SORCS3: variants seen among roughly 807,000 people sequenced by gnomAD.
SORCS3 encodes the protein sortilin related VPS10 domain containing receptor 3, also known as VPS10 domain-containing receptor SorCS3.
A neutral mutation model predicts 146.3 loss-of-function variants in SORCS3; 57 were observed. That is an observed-to-expected ratio of 0.39 (90% CI 0.31 to 0.49). The LOEUF is 0.49. SORCS3 is among the 20% of genes least tolerant of loss of function. The pLI, the probability that SORCS3 is intolerant of heterozygous loss-of-function variation, is 0.92. For synonymous variants in SORCS3, 653 were observed against 618.5 expected (o/e 1.06, Z -0.83); for missense variants, 1,341 against 1,575.5 (o/e 0.85, Z 2.52).
chr10:104,802,936 C>G (rs1484000643), intron 1 of SORCS3, among the ~76,000 whole-genome samples: 1 of 152,156 alleles, frequency 6.6e-6, no homozygotes, highest in African/African-American at 2.4e-5. Context: ...TTCTTTCTCT[C>G]CAATGTCCAG....
chr10:104,814,689 T>G (rs1371198225), intron 1 of SORCS3, among the ~76,000 whole-genome samples: 1 of 152,184 alleles, frequency 6.6e-6, no homozygotes, highest in Admixed American at 6.5e-5. Context: ...TGACTAAATG[T>G]GAAATACTCT....
At chr10:104,906,966 T>C (rs937467747) in intron 2 of SORCS3, among the ~76,000 whole-genome samples, 1 of 152,222 alleles carries the variant, frequency 6.6e-6, no homozygotes, top group African/African-American at 2.4e-5. Context: ...CACTAGATTT[T>C]ATATGTATTT....
At chr10:104,890,305 G>A (rs766172940) in intron 2 of SORCS3, among the ~76,000 whole-genome samples, 3 of 151,740 alleles carry the variant, frequency 2.0e-5, no homozygotes, top group Non-Finnish European at 2.9e-5. Context: ...TACAACTGAT[G>A]TTGTCCTGCA....
intron 3 of SORCS3, among the ~76,000 whole-genome samples, chr10:104,946,565 A>C (rs1340057): frequency 0.49 from 74,924 of 151,960 alleles, 22,202 homozygotes; most frequent in African/African-American, 0.84. Flanking sequence ...GTAAACAATA[A>C]AACCCATCTC....
intron 2 of SORCS3, among the ~76,000 whole-genome samples, chr10:104,894,105 G>A (rs1048694215): frequency 6.6e-6 from 1 of 151,900 alleles, no homozygotes; most frequent in Non-Finnish European, 1.5e-5. Flanking sequence ...GTTATTTGTC[G>A]TGAACTCTTG....
chr10:105,154,325 T>C (rs2056190285), intron 9 of SORCS3, among the ~76,000 whole-genome samples: 1 of 152,104 alleles, frequency 6.6e-6, no homozygotes. Flanking sequence ...AGGCAGATCA[T>C]GGTAATTGCT....
chr10:105,026,987 A>G (rs901369434), intron 4 of SORCS3, among the ~76,000 whole-genome samples: 7 of 152,160 alleles, frequency 4.6e-5, no homozygotes, highest in Non-Finnish European at 1.0e-4. Context: ...GAAAAGTTGA[A>G]ATTAAGCAAA....
intron 3 of SORCS3, among the ~76,000 whole-genome samples, chr10:104,957,681 G>T (rs1415766630): frequency 6.6e-6 from 1 of 151,996 alleles, no homozygotes; most frequent in Admixed American, 6.6e-5. Flanking sequence ...CACCCTCTCT[G>T]GCTGAGGCAG....
At chr10:104,670,496 AT>A (rs2015838139) in intron 1 of SORCS3, among the ~76,000 whole-genome samples, 1 of 152,174 alleles carries the variant, frequency 6.6e-6, no homozygotes, top group South Asian at 2.1e-4. Context: ...TCATTTGACC[AT>A]TTATATGAAG....
intron 4 of SORCS3, among the ~76,000 whole-genome samples, chr10:104,979,207 T>C (rs2054919107): frequency 6.6e-6 from 1 of 152,222 alleles, no homozygotes; most frequent in South Asian, 2.1e-4. Context: ...TTACAAGCTC[T>C]ATCTTGTAAT....
At chr10:104,895,785 C>A (rs2018792334) in intron 2 of SORCS3, among the ~76,000 whole-genome samples, 1 of 152,178 alleles carries the variant, frequency 6.6e-6, no homozygotes, top group Admixed American at 6.5e-5. Context: ...GCTCTCCCTG[C>A]CTGCTAGCTT....
At chr10:104,658,213 C>T (rs1194964853) in intron 1 of SORCS3, among the ~76,000 whole-genome samples, 2 of 152,074 alleles carry the variant, frequency 1.3e-5, no homozygotes, top group Non-Finnish European at 2.9e-5. Context: ...TCTTCCAAAC[C>T]GGTTTGCAGT....
chr10:105,242,457 TA>T (rs2056832586), intron 20 of SORCS3, among the ~76,000 whole-genome samples: 1 of 89,338 alleles, frequency 1.1e-5, no homozygotes, highest in Admixed American at 1.7e-4. Flanking sequence ...TATTTATATA[TA>T]TTTATATATT....
intron 2 of SORCS3, among the ~76,000 whole-genome samples, chr10:104,847,027 G>A (rs939715495): frequency 4.6e-5 from 7 of 152,120 alleles, no homozygotes; most frequent in Admixed American, 1.3e-4. Context: ...AACAAATGTA[G>A]GCCATTGTCA....
At chr10:105,188,502 G>T (rs534880610) in intron 14 of SORCS3, among the ~76,000 whole-genome samples, 1 of 152,044 alleles carries the variant, frequency 6.6e-6, no homozygotes, top group East Asian at 1.9e-4. Flanking sequence ...ATGCCCTGAT[G>T]AAATTAATAC....
chr10:104,731,373 C>G (rs2016705127), intron 1 of SORCS3, among the ~76,000 whole-genome samples: 1 of 152,200 alleles, frequency 6.6e-6, no homozygotes. Context: ...TCTTCTTAAT[C>G]TGCATCTTCA....
chr10:104,746,785 T>C (rs897827177), intron 1 of SORCS3, among the ~76,000 whole-genome samples: 9 of 152,236 alleles, frequency 5.9e-5, no homozygotes, highest in Admixed American at 3.9e-4. Context: ...GCCTGGCTTA[T>C]TTCACTTAGC....
Position 105,178,050 on chromosome 10 carries a change from C to T in SORCS3, c.1902-16C>T, listed in dbSNP as rs552689346. 3.1e-6 allele frequency: 5 copies of T among 1,590,138 alleles called. No homozygotes were observed. Among genetic ancestry groups the T allele is most frequent in the East Asian group, 4.5e-5 (2 of 44,594 alleles). On this transcript the variant is annotated splice_polypyrimidine_tract_variant and intron_variant, in intron 13 of 26. Transcript: ENST00000369701. ...TATTTTCAGCTGTCTTTTTTGTGTA[C>T]TTGTTTCCAACACAGGGTGAGTTTT...
chr10:104,803,501 C>A (rs183484271), intron 1 of SORCS3, among the ~76,000 whole-genome samples: 93 of 152,254 alleles, frequency 6.1e-4, no homozygotes, highest in Middle Eastern at 6.8e-3. Context: ...TTGATTTTAC[C>A]TGTATTATGC....
Sources: allele counts gnomAD v4.1 joint callset (sites outside exome capture counted in the v4.1 genomes callset), GRCh38; gene constraint gnomAD v4.1.1; transcripts MANE v1.5; gene names NCBI Gene and HGNC (gene_info 2026-07-23, HGNC 2026-07-21).